Variants in ADI1 observed in about 807,000 individuals in gnomAD.
The protein encoded by ADI1 is acireductone dioxygenase 1.
Under a neutral mutation model 18.7 loss-of-function variants are expected in ADI1, and 21 were observed. The observed-to-expected ratio is 1.13, with a 90% CI of 0.80 to 1.62. ADI1 has a LOEUF of 1.62. Ranked by LOEUF, ADI1 falls within the 40% of genes most tolerant of loss-of-function variation. The pLI, the probability that ADI1 is intolerant of heterozygous loss-of-function variation, is 0.00. For synonymous variants in ADI1, 90 were observed against 100.1 expected, an observed-to-expected ratio of 0.90 and a Z score of 0.60; for missense variants, 245 against 254.9, an observed-to-expected ratio of 0.96 and a Z score of 0.26.
At chr2:3,518,703 C>T (rs904714515) in intron 1 of ADI1, among the ~76,000 whole-genome samples, 5 of 152,134 alleles carry the variant, frequency 3.3e-5, no homozygotes, top group Non-Finnish European at 7.4e-5. Flanking sequence ...GTCCCTCCCC[C>T]AGGACACTTT....
chr2:3,501,039 C>T lies in ADI1; in HGVS notation c.241-46G>A, dbSNP rs779594030. On this transcript the variant is annotated intron_variant, in intron 2 of 3. Coordinates refer to ENST00000327435, the MANE Select transcript of ADI1 (RefSeq NM_018269.4). ...CTGTGAGTCTACCAGAGACCTGTCA[C>T]GCAAGCTCACACCCACCCACTCAGC... 8.0e-6 allele frequency: 12 copies of T among 1,508,518 alleles called. No homozygotes were observed. In the East Asian group the frequency reaches 1.5e-4, roughly 18 times the overall value. 93.4% of individuals were successfully genotyped at this position (1,508,518 alleles called of 1,614,324 possible). A position where few individuals can be genotyped will look rare whatever the true frequency, so the allele number is the denominator to read the frequency against.
At chr2:3,504,503 T>C (rs559656615) in intron 2 of ADI1, among the ~76,000 whole-genome samples, 152 of 152,308 alleles carry the variant, frequency 1.0e-3, no homozygotes, top group South Asian at 8.9e-3. Flanking sequence ...CAGAATCTAA[T>C]GAACTGTAGG....
intron 3 of ADI1, 84 bp from the exon 4 acceptor site, chr2:3,499,166 CAT>C: frequency 6.6e-7 from 1 of 1,516,424 alleles, no homozygotes. Flanking sequence ...AACTTGTTAA[CAT>C]TAATTGCTAT....
intron 1 of ADI1, chr2:3,516,726 T>C (rs568069889): frequency 4.8e-5 from 47 of 984,694 alleles, no homozygotes; most frequent in Non-Finnish European, 5.7e-5. Flanking sequence ...AGGTATTTAG[T>C]TTATTCCAAG....
At chr2:3,505,963 G>A (rs950880520) in intron 2 of ADI1, among the ~76,000 whole-genome samples, 7 of 152,234 alleles carry the variant, frequency 4.6e-5, no homozygotes, top group African/African-American at 1.4e-4. Flanking sequence ...AGCTGCCAGT[G>A]TCCTGACCTT....
chr2:3,514,430 T>C (rs1458349836), intron 1 of ADI1, among the ~76,000 whole-genome samples: 1 of 152,230 alleles, frequency 6.6e-6, no homozygotes, highest in East Asian at 1.9e-4. Flanking sequence ...TCAAGTTAAT[T>C]AAACTGGAAT....
intron 1 of ADI1, among the ~76,000 whole-genome samples, chr2:3,518,627 G>A (rs1324190387): frequency 1.1e-5 from 1 of 93,466 alleles, no homozygotes; most frequent in East Asian, 3.0e-4. Context: ...CCCCACCACC[G>A]AGCGCTACCC....
chr2:3,499,020 G>A lies in ADI1; in HGVS notation c.483C>T (p.Pro161=), dbSNP rs567726498. ...GEPVWTAYNR[P]ADHFEARGQY... ...GCCCGCGGGCTTCAAAATGGTCAGC[G>A]GGCCGGTTGTACGCTGTCCACACCG... The change falls in exon 4 of 4, where the codon CCC becomes CCT. Residue 161 remains proline (P), a synonymous_variant. Coordinates refer to ENST00000327435, the MANE Select transcript of ADI1 (RefSeq NM_018269.4). 1.3e-5 allele frequency: 21 copies of A among 1,613,996 alleles called. No individual in the cohort carries two copies. The highest frequency in any genetic ancestry group is 8.8e-5 in the South Asian group (8 of 91,070).
intron 2 of ADI1, among the ~76,000 whole-genome samples, chr2:3,513,171 A>AT (rs1163345775): frequency 6.6e-6 from 1 of 152,072 alleles, no homozygotes; most frequent in East Asian, 1.9e-4. Flanking sequence ...ACTTGTTTTG[A>AT]TTTTGCAGGC....
At chr2:3,518,553 C>T (rs1296240548) in intron 1 of ADI1, among the ~76,000 whole-genome samples, 1 of 152,250 alleles carries the variant, frequency 6.6e-6, no homozygotes, top group Non-Finnish European at 1.5e-5. Flanking sequence ...GTTACAGAGG[C>T]AGGGCTGACA....
intron 2 of ADI1, among the ~76,000 whole-genome samples, chr2:3,512,930 AG>A (rs543867870): frequency 9.3e-4 from 141 of 152,358 alleles, no homozygotes; most frequent in Admixed American, 2.1e-3. Flanking sequence ...GCAAAGCCAC[AG>A]GGACAGAGCT....
chr2:3,518,997 C>T (rs1667493951), intron 1 of ADI1, among the ~76,000 whole-genome samples: 1 of 151,442 alleles, frequency 6.6e-6, no homozygotes, highest in Non-Finnish European at 1.5e-5. Flanking sequence ...CCACCAGCCC[C>T]GCTGCTGAGC....
chr2:3,500,094 C>T (rs2103199988), intron 3 of ADI1, among the ~76,000 whole-genome samples: 1 of 151,360 alleles, frequency 6.6e-6, no homozygotes, highest in East Asian at 1.9e-4. Flanking sequence ...AGAATCCTGA[C>T]TGACATGCAC....
In ADI1 at chr2:3,500,859, C is replaced by T. The variant is rs1161044982; in HGVS notation, c.375G>A (p.Val125=). ...GGTGATAGATCCCCGCGGGGAGCGT[C>T]ACCATGTCTCCCTTCTCCATGAAGA... ...IRIFMEKGDM[V]TLPAGIYHRF... Residue 125 remains valine (V), a synonymous_variant, in exon 3 of 4, where the codon GTG becomes GTA. Coordinates refer to ENST00000327435, the MANE Select transcript of ADI1 (RefSeq NM_018269.4). The T allele has an allele frequency of 5.6e-6, 9 of 1,614,140 alleles. No homozygotes were observed. The highest frequency in any genetic ancestry group is 7.6e-6 in the Non-Finnish European group (9 of 1,180,050).
intron 2 of ADI1, among the ~76,000 whole-genome samples, chr2:3,502,193 T>G (rs1408420785): frequency 6.6e-6 from 1 of 152,044 alleles, no homozygotes; most frequent in East Asian, 1.9e-4. Flanking sequence ...ACCTGGCTAA[T>G]TTTTTAAAAA....
In ADI1 at chr2:3,519,391, G is replaced by GC; in HGVS notation, c.96dup (p.Arg33AlafsTer12). 7.0e-7 allele frequency: 1 copy of GC among 1,426,262 alleles called. No individual in the cohort carries two copies. Among genetic ancestry groups the GC allele is most frequent in the Non-Finnish European group, 9.1e-7 (1 of 1,097,192 alleles). 88.4% of individuals were successfully genotyped at this position (1,426,262 alleles called of 1,614,324 possible). A position where few individuals can be genotyped will look rare whatever the true frequency, so the allele number is the denominator to read the frequency against. On this transcript the variant is annotated frameshift_variant, in exon 1 of 4. Transcript: ENST00000327435. LOFTEE classifies it high-confidence loss of function. ...ACCTTCCAGTAGAGCACCCCGAGCC[G>GC]CCGCAGCTGCTCCAGGCCCACTGGG... is the stretch of plus-strand genomic sequence containing the variant.
At chr2:3,516,187 G>T in intron 1 of ADI1, 1 of 427,236 alleles carries the variant, frequency 2.3e-6, no homozygotes, top group Non-Finnish European at 3.1e-6. Flanking sequence ...TAGTGGCCTT[G>T]TAAGAGAGAT....
chr2:3,518,158 C>T (rs1327205541), intron 1 of ADI1, among the ~76,000 whole-genome samples: 1 of 152,226 alleles, frequency 6.6e-6, no homozygotes, highest in Non-Finnish European at 1.5e-5. Context: ...AAACCTTATC[C>T]TAGGAAAAGA....
rs535892517 is a variant in ADI1, at chr2:3,498,959, A to G, written c.*4T>C. ...AGGCACGTGTTAGTTCCCAGGCAGC[A>G]CTGCTAGGCGGTCTGTGCCAGAAAT... On this transcript the variant is annotated 3_prime_UTR_variant, in exon 4 of 4. Coordinates refer to ENST00000327435, the MANE Select transcript of ADI1 (RefSeq NM_018269.4). 8 of 1,604,844 alleles carry G rather than the reference A, an allele frequency of 5.0e-6. No homozygotes were observed. The highest frequency in any genetic ancestry group is 3.3e-5 in the South Asian group (3 of 90,752).
Sources: allele counts gnomAD v4.1 joint callset (sites outside exome capture counted in the v4.1 genomes callset), GRCh38; gene constraint gnomAD v4.1.1; transcripts MANE v1.5; gene names NCBI Gene and HGNC (gene_info 2026-07-23, HGNC 2026-07-21).